The following RGS7 variants were observed in gnomAD, a reference collection of about 807,000 sequenced individuals.
RGS7 encodes the protein regulator of G protein signaling 7.
A neutral mutation model predicts 81.1 loss-of-function variants in RGS7; 27 were observed. The ratio of observed to expected loss-of-function variants is 0.33; its 90% CI spans 0.25 to 0.46. RGS7 has a LOEUF of 0.46. Among genes scored for constraint, RGS7 ranks in the 20% least tolerant of loss-of-function variants. The pLI is 1.00. For synonymous variants in RGS7, 208 were observed against 207.7 expected, an observed-to-expected ratio of 1.00 and a Z score of -0.01; for missense variants, 396 against 607.4, an observed-to-expected ratio of 0.65 and a Z score of 3.66.
intron 2 of RGS7, among the ~76,000 whole-genome samples, chr1:241,253,319 C>G (rs539453945): frequency 6.6e-6 from 1 of 152,160 alleles, no homozygotes; most frequent in Non-Finnish European, 1.5e-5. Context: ...GGATAGAAGA[C>G]TGGTTTTGGT....
intron 2 of RGS7, among the ~76,000 whole-genome samples, chr1:241,221,092 A>AAAGGAAGGAAGG (rs141939771): frequency 1.4e-4 from 20 of 138,578 alleles, no homozygotes; most frequent in Admixed American, 4.4e-4. Context: ...AGGAAGGAAG[A>AAAGGAAGGAAGG]AAGGAAGGAA....
At chr1:241,141,914 AG>A (rs1010029489) in intron 2 of RGS7, among the ~76,000 whole-genome samples, 2 of 152,232 alleles carry the variant, frequency 1.3e-5, no homozygotes, top group Non-Finnish European at 2.9e-5. Context: ...AATCAAAAGC[AG>A]GTTAGTTACT....
chr1:241,247,060 T>C (rs751571762), intron 2 of RGS7, among the ~76,000 whole-genome samples: 1 of 152,112 alleles, frequency 6.6e-6, no homozygotes, highest in Non-Finnish European at 1.5e-5. Flanking sequence ...GGGACCATTG[T>C]ACATATGTTC....
intron 3 of RGS7, among the ~76,000 whole-genome samples, chr1:240,985,887 G>C (rs1017887750): frequency 2.6e-5 from 4 of 151,746 alleles, no homozygotes; most frequent in Admixed American, 2.0e-4. Context: ...TTAAAATGGA[G>C]CATTACAGTC....
At chr1:240,851,045 A>G (rs952994820) in intron 9 of RGS7, among the ~76,000 whole-genome samples, 8 of 152,236 alleles carry the variant, frequency 5.3e-5, no homozygotes, top group Non-Finnish European at 1.2e-4. Flanking sequence ...CAAGTTATCC[A>G]GATCTAGCTA....
At chr1:241,070,121 C>T (rs775679937) in intron 3 of RGS7, among the ~76,000 whole-genome samples, 18 of 152,162 alleles carry the variant, frequency 1.2e-4, no homozygotes, top group Non-Finnish European at 2.2e-4. Flanking sequence ...CACTTGTGCT[C>T]TGATGCCAAG....
In RGS7 at chr1:240,816,364, G is replaced by T. The variant is rs972020439; in HGVS notation, c.736C>A (p.Pro246Thr). 7 of 1,612,234 alleles carry T rather than the reference G, an allele frequency of 4.3e-6. No individual in the cohort carries two copies. The African/African-American group carries it at 9.4e-5, about 22-fold the overall frequency. ...DIRSHSPTHTPTPETKPPTED... is the reference protein window; with the variant it reads ...DIRSHSPTHTTTPETKPPTED... ...GTTGGAGGTTTAGTTTCTGGTGTGG[G>T]TGTGTGGGTAGGACTGTGACTTCTA... The change falls in exon 11 of 19, where the codon CCC becomes ACC. Residue 246 changes from proline (P) to threonine (T), a missense_variant. Physicochemically the swap from Pro to Thr is conservative, Grantham distance 38. Coordinates refer to ENST00000440928, the MANE Select transcript of RGS7 (RefSeq NM_001364886.1).
At chr1:240,898,154 C>T (rs1323569018) in intron 6 of RGS7, among the ~76,000 whole-genome samples, 2 of 152,038 alleles carry the variant, frequency 1.3e-5, no homozygotes, top group African/African-American at 4.8e-5. Context: ...TTTATTGCAT[C>T]TATTTGATTC....
intron 9 of RGS7, among the ~76,000 whole-genome samples, chr1:240,848,170 T>C (rs1659438878): frequency 6.6e-6 from 1 of 152,116 alleles, no homozygotes; most frequent in Admixed American, 6.5e-5. Context: ...AGCAAAGGAA[T>C]TGAATGGAGA....
intron 2 of RGS7, among the ~76,000 whole-genome samples, chr1:241,192,903 A>C (rs1350284282): frequency 6.6e-6 from 1 of 152,206 alleles, no homozygotes; most frequent in Non-Finnish European, 1.5e-5. Context: ...TGACTTGAAA[A>C]AATATTTTCA....
Position 241,073,182 on chromosome 1 carries a change from A to C in RGS7, c.175+25484T>G, listed in dbSNP as rs186490222. The stretch of plus-strand genomic sequence containing the variant: ...CTTCCCTTCCTTTATTCCAAAAAAA[A>C]CCCCACATCTTTCATTCATTATTTC... On this transcript the variant is annotated intron_variant, in intron 3 of 18. Transcript: ENST00000440928. Among the ~76,000 whole-genome samples the C allele has an allele frequency of 8.2e-3, 1,247 of 152,142 alleles. 6 individuals are homozygous for C. Among genetic ancestry groups the C allele is most frequent in the Middle Eastern group, 0.02 (6 of 294 alleles).
At chr1:241,237,199 A>G (rs1290383702) in intron 2 of RGS7, among the ~76,000 whole-genome samples, 1 of 152,262 alleles carries the variant, frequency 6.6e-6, no homozygotes, top group Non-Finnish European at 1.5e-5. Context: ...TGTAAGAATT[A>G]CACGTGACTT....
chr1:240,907,686 C>T (rs545322244), intron 6 of RGS7, among the ~76,000 whole-genome samples: 2 of 152,300 alleles, frequency 1.3e-5, no homozygotes, highest in Admixed American at 6.5e-5. Flanking sequence ...AAACATCCCA[C>T]GTTGAGATAA....
intron 2 of RGS7, among the ~76,000 whole-genome samples, chr1:241,303,894 T>C (rs1487835404): frequency 6.6e-6 from 1 of 152,226 alleles, no homozygotes; most frequent in Admixed American, 6.5e-5. Flanking sequence ...GGGGCAAGAC[T>C]TCTTCATAGG....
At chr1:241,123,174 C>T (rs1024777074) in intron 2 of RGS7, among the ~76,000 whole-genome samples, 1 of 152,210 alleles carries the variant, frequency 6.6e-6, no homozygotes, top group African/African-American at 2.4e-5. Context: ...ACCCCAGGTC[C>T]TTAGCCTCAG....
intron 3 of RGS7, among the ~76,000 whole-genome samples, chr1:241,087,983 T>C (rs1558697871): frequency 2.6e-5 from 2 of 77,330 alleles, no homozygotes; most frequent in African/African-American, 1.1e-4. Flanking sequence ...TCTCTATATA[T>C]ATATATATAT....
chr1:241,266,661 C>A (rs1207853945), intron 2 of RGS7, among the ~76,000 whole-genome samples: 2 of 152,172 alleles, frequency 1.3e-5, no homozygotes, highest in Non-Finnish European at 2.9e-5. Context: ...GGGAGGTCTT[C>A]CGTAGTCTTC....
At chr1:240,877,621 G>A (rs982749028) in intron 6 of RGS7, among the ~76,000 whole-genome samples, 2 of 152,250 alleles carry the variant, frequency 1.3e-5, no homozygotes, top group South Asian at 4.1e-4. Context: ...CCAGTGCTGA[G>A]ATGTAATGTA....
At chr1:240,776,246 GA>G in intron 18 of RGS7, 33 bp from the exon 19 acceptor site, 1 of 1,533,496 alleles carries the variant, frequency 6.5e-7, no homozygotes, top group East Asian at 2.2e-5. Context: ...AGAAAAGAAA[GA>G]AAATCAAGTA....
Sources: gnomAD v4.1 joint callset for allele counts (sites outside exome capture counted in the v4.1 genomes callset) on GRCh38, gnomAD v4.1.1 for gene constraint, MANE v1.5 for transcripts, NCBI Gene and HGNC (gene_info 2026-07-23, HGNC 2026-07-21) for gene names.